Variants in GCNT4 observed in about 807,000 individuals in gnomAD.
GCNT4 encodes the protein glucosaminyl (N-acetyl) transferase 4.
In GCNT4, 17 loss-of-function variants were observed where a neutral mutation model predicts 31.3. That is an observed-to-expected ratio of 0.54 (90% CI 0.37 to 0.81). GCNT4 has a LOEUF of 0.81. Among genes scored for constraint, GCNT4 ranks in the 40% least tolerant of loss-of-function variants. The pLI is 0.00. For missense variants in GCNT4, 503 were observed against 525.5 expected, an observed-to-expected ratio of 0.96 and a Z score of 0.42; for synonymous variants, 158 against 190.6, an observed-to-expected ratio of 0.83 and a Z score of 1.41.
chr5:75,044,733 G>A (rs2149973261), intron 3 of GCNT4, among the ~76,000 whole-genome samples: 1 of 152,202 alleles, frequency 6.6e-6, no homozygotes, highest in South Asian at 2.1e-4. Flanking sequence ...TTTCTGCGGG[G>A]TAGACTGGTA....
chr5:75,022,519 C>T (rs768850175), downstream of GCNT4, among the ~76,000 whole-genome samples: 5 of 152,190 alleles, frequency 3.3e-5, no homozygotes, highest in Non-Finnish European at 7.3e-5. Context: ...TAGTTTAGAA[C>T]AGCATCAATC....
rs556467713 is a variant in GCNT4, at chr5:75,029,541, C to T, written c.497G>A (p.Arg166His). ...QHNIYCIHYD[R>H]KAPDTFKVAM... ...AACTTTGAAGGTATCAGGTGCCTTA[C>T]GATCATAATGGATGCAGTAAATATT... Residue 166 changes from arginine (R) to histidine (H), a missense_variant, in exon 4 of 4, where the codon CGT becomes CAT. Transcript: ENST00000652361. 27 of 1,614,090 alleles carry T rather than the reference C, an allele frequency of 1.7e-5. No homozygotes were observed. The highest frequency in any genetic ancestry group is 2.2e-5 in the South Asian group (2 of 91,080).
chr5:75,034,067 T>C (rs1050745367), intron 3 of GCNT4, among the ~76,000 whole-genome samples: 11 of 152,226 alleles, frequency 7.2e-5, no homozygotes, highest in African/African-American at 2.4e-4. Context: ...AAGCATTCCT[T>C]TCCCCAAAGA....
rs200239392 is a variant in GCNT4, at chr5:75,040,183, C to CT, written c.-2+7713dup. Among the ~76,000 whole-genome samples the CT allele has an allele frequency of 4.3e-3, 604 of 141,690 alleles. 2 individuals are homozygous for CT. The highest frequency in any genetic ancestry group is 9.8e-3 in the Admixed American group (139 of 14,154). 93.0% of individuals were successfully genotyped at this position (141,690 alleles called of 152,430 possible). A position where few individuals can be genotyped will look rare whatever the true frequency, so the allele number is the denominator to read the frequency against. On this transcript the variant is annotated intron_variant, in intron 3 of 3. Transcript: ENST00000652361. ...CTTTTCCTCAGGTCCTCTCTGATAA[C>CT]TTTTTTTTTTTTTTTTTGAGAGTCT...
the GCNT4 span, among the ~76,000 whole-genome samples, chr5:75,020,179 G>A: frequency 6.6e-6 from 1 of 152,194 alleles, no homozygotes; most frequent in African/African-American, 2.4e-5. Flanking sequence ...TATATAACCT[G>A]TTTGTGTAAG....
In GCNT4 at chr5:75,029,730, A is replaced by T. The variant is rs201201282; in HGVS notation, c.308T>A (p.Val103Asp). The change falls in exon 4 of 4, where the codon GTT becomes GAT. Residue 103 changes from valine (V) to aspartate (D), a missense_variant. Val to Asp is a radical substitution (Grantham distance 152). Coordinates refer to ENST00000652361, the MANE Select transcript of GCNT4 (RefSeq NM_001366737.1). ...GTCACAATCACTGGTCATTGCCACAACATCATCATCCTCCAAGTCAATGAT... is the reference window on the plus strand; with the variant it reads ...GTCACAATCACTGGTCATTGCCACATCATCATCATCCTCCAAGTCAATGAT... ...RDIIDLEDDDVVAMTSDCDIY... is the reference protein window; with the variant it reads ...RDIIDLEDDDDVAMTSDCDIY... The T allele has an allele frequency of 1.3e-5, 21 of 1,614,034 alleles. No homozygotes were observed. The highest frequency in any genetic ancestry group is 1.6e-4 in the Middle Eastern group (1 of 6,084).
At chr5:75,036,058 C>T (rs1326534905) in intron 3 of GCNT4, among the ~76,000 whole-genome samples, 2 of 152,124 alleles carry the variant, frequency 1.3e-5, no homozygotes, top group African/African-American at 4.8e-5. Context: ...TCAAGTCCCA[C>T]AGTCAGTCCT....
rs1561371689 is a variant in GCNT4, at chr5:75,026,667, A to AAAAAAC, written c.*2003_*2008dup. 7 of 150,466 alleles carry AAAAAAC rather than the reference A, an allele frequency of 4.7e-5. No individual in the cohort carries two copies. The highest frequency in any genetic ancestry group is 1.7e-4 in the African/African-American group (7 of 40,378). The allele number at this position is 150,466 out of a possible 1,614,324, so 9.3% of individuals were successfully genotyped here. ...TCTCACAAAAAAAAAAAAAAAAAAA[A>AAAAAAC]AAAAACACTTGTGTGGAAGCAAGGA... On this transcript the variant is annotated 3_prime_UTR_variant, in exon 4 of 4. Coordinates refer to ENST00000652361, the MANE Select transcript of GCNT4 (RefSeq NM_001366737.1).
chr5:75,024,950 CAA>C (rs1239662355), downstream of GCNT4, among the ~76,000 whole-genome samples: 4,604 of 39,718 alleles, frequency 0.12, 18 homozygotes, highest in Non-Finnish European at 0.17. Flanking sequence ...GACTCCATCT[CAA>C]AAAAAAAAAA....
chr5:75,040,511 A>T (rs1457472704), intron 3 of GCNT4, among the ~76,000 whole-genome samples: 1 of 152,174 alleles, frequency 6.6e-6, no homozygotes, highest in Non-Finnish European at 1.5e-5. Context: ...TGCCACAAAA[A>T]ATTCTTCAAG....
chr5:75,024,950 C>CAAAAAAAAA (rs1239662355), downstream of GCNT4, among the ~76,000 whole-genome samples: 1 of 40,534 alleles, frequency 2.5e-5, no homozygotes, highest in Non-Finnish European at 4.9e-5. Flanking sequence ...GACTCCATCT[C>CAAAAAAAAA]AAAAAAAAAA....
downstream of GCNT4, among the ~76,000 whole-genome samples, chr5:75,024,987 A>T (rs996428168): frequency 2.0e-5 from 3 of 151,440 alleles, no homozygotes; most frequent in African/African-American, 7.3e-5. Context: ...TAGAAAGGGA[A>T]GAATATTGAT....
At chr5:75,039,980 G>A (rs1441556014) in intron 3 of GCNT4, among the ~76,000 whole-genome samples, 11 of 151,982 alleles carry the variant, frequency 7.2e-5, no homozygotes, top group Admixed American at 6.5e-5. Context: ...CTTACTCTAC[G>A]AGTTCATCTT....
intron 3 of GCNT4, among the ~76,000 whole-genome samples, chr5:75,034,217 C>G (rs1743147321): frequency 6.6e-6 from 1 of 152,198 alleles, no homozygotes; most frequent in South Asian, 2.1e-4. Flanking sequence ...GGTCCCCAAC[C>G]TTGGTTCAGC....
chr5:75,053,235 C>G (rs928358550), upstream of GCNT4, among the ~76,000 whole-genome samples: 30 of 151,980 alleles, frequency 2.0e-4, no homozygotes, highest in African/African-American at 6.7e-4. Flanking sequence ...GCCCACCCGG[C>G]CCGTGACGCT....
intron 3 of GCNT4, among the ~76,000 whole-genome samples, chr5:75,045,748 G>C (rs926889353): frequency 3.9e-5 from 6 of 152,218 alleles, no homozygotes; most frequent in African/African-American, 1.4e-4. Context: ...GAGGCACTGT[G>C]TTAGATTCTG....
At chr5:75,045,594 G>T (rs1743420255) in intron 3 of GCNT4, among the ~76,000 whole-genome samples, 1 of 152,086 alleles carries the variant, frequency 6.6e-6, no homozygotes, top group African/African-American at 2.4e-5. Context: ...TATGAACAAG[G>T]GTGTACAAAC....
intron 3 of GCNT4, among the ~76,000 whole-genome samples, chr5:75,032,915 GTGTGTGTGA>G (rs1743102690): frequency 7.3e-6 from 1 of 137,090 alleles, no homozygotes; most frequent in Non-Finnish European, 1.6e-5. Flanking sequence ...GTGTGTGTGT[GTGTGTGTGA>G]TTAATTCATG....
chr5:75,019,059 T>C, the GCNT4 span, among the ~76,000 whole-genome samples: 57,358 of 152,054 alleles, frequency 0.38, 12,798 homozygotes, highest in African/African-American at 0.63. Flanking sequence ...TGAATGTTTG[T>C]GTCTTCCCTC....
Sources: gnomAD v4.1 joint callset for allele counts (sites outside exome capture counted in the v4.1 genomes callset) on GRCh38, gnomAD v4.1.1 for gene constraint, MANE v1.5 for transcripts, NCBI Gene and HGNC (gene_info 2026-07-23, HGNC 2026-07-21) for gene names.